THSD4: variants seen among roughly 807,000 people sequenced by gnomAD.
The protein encoded by THSD4 is thrombospondin type-1 domain-containing protein 4.
THSD4 carries 69 observed loss-of-function variants against 119.0 expected under a neutral mutation model. The ratio of observed to expected loss-of-function variants is 0.58; its 90% CI spans 0.48 to 0.71. The LOEUF is 0.71. Among genes scored for constraint, THSD4 ranks in the 30% least tolerant of loss-of-function variants. The pLI, the probability that THSD4 is intolerant of heterozygous loss-of-function variation, is 0.00. For missense variants in THSD4, 1,393 were observed against 1,391.1 expected (o/e 1.00, Z -0.02); for synonymous variants, 524 against 540.4 (o/e 0.97, Z 0.42).
chr15:71,102,471 TTTAAG>T (rs1451022194), intron 1 of THSD4, among the ~76,000 whole-genome samples: 1 of 152,232 alleles, frequency 6.6e-6, no homozygotes, highest in Non-Finnish European at 1.5e-5. Flanking sequence ...TTGATCTATC[TTTAAG>T]TTAATTTTTC....
Position 71,730,995 on chromosome 15 carries a change from T to C in THSD4, c.1534-126T>C. 4.0e-6 allele frequency: 3 copies of C among 756,272 alleles called. No homozygotes were observed. The South Asian group carries it at 4.9e-5, about 12-fold the overall frequency. The allele number at this position is 756,272 out of a possible 1,614,324, so 46.8% of individuals were successfully genotyped here. A position where few individuals can be genotyped will look rare whatever the true frequency, so the allele number is the denominator to read the frequency against. ...GTTTAATCTGCCACAGGTTCACTGA[T>C]ATTACTGGATGCGTACTAGAGTGAA... On this transcript the variant is annotated intron_variant, in intron 9 of 17. Transcript: ENST00000261862.
intron 7 of THSD4, among the ~76,000 whole-genome samples, chr15:71,426,717 C>A (rs1376666812): frequency 1.3e-5 from 2 of 152,144 alleles, no homozygotes; most frequent in Non-Finnish European, 2.9e-5. Context: ...CTCTTATAAA[C>A]ACCCCAAGCA....
chr15:71,758,102 G>A (rs368772694), intron 15 of THSD4, 27 bp downstream of exon 15: 6 of 1,533,518 alleles, frequency 3.9e-6, no homozygotes, highest in East Asian at 4.9e-5. Flanking sequence ...GGGTATGTCT[G>A]CCTGTGTCAG....
At chr15:71,461,997 G>GT (rs765409255) in intron 7 of THSD4, among the ~76,000 whole-genome samples, 35 of 152,242 alleles carry the variant, frequency 2.3e-4, no homozygotes, top group Non-Finnish European at 3.5e-4. Context: ...ACTCCCATGA[G>GT]TTGGAAGCTC....
chr15:71,450,062 G>A (rs948691242), intron 7 of THSD4, among the ~76,000 whole-genome samples: 6 of 152,362 alleles, frequency 3.9e-5, no homozygotes, highest in Non-Finnish European at 8.8e-5. Flanking sequence ...GTTGTGATGT[G>A]CAAACGAAGG....
chr15:71,704,717 G>T (rs531979084), intron 8 of THSD4, among the ~76,000 whole-genome samples: 1 of 152,302 alleles, frequency 6.6e-6, no homozygotes, highest in East Asian at 1.9e-4. Context: ...CTTGGTCCTG[G>T]ACATACAGGG....
chr15:71,354,579 A>G (rs959076328), intron 6 of THSD4, among the ~76,000 whole-genome samples: 2 of 152,220 alleles, frequency 1.3e-5, no homozygotes, highest in Admixed American at 1.3e-4. Flanking sequence ...TATGTGCCAA[A>G]CAAAGCCATT....
chr15:71,490,249 G>C (rs8023994), intron 7 of THSD4, among the ~76,000 whole-genome samples: 1 of 151,608 alleles, frequency 6.6e-6, no homozygotes, highest in Non-Finnish European at 1.5e-5. Context: ...ACACAGTGAA[G>C]TCTCATCTCT....
rs1227748203 is a variant in THSD4 at position 71,753,941 on chromosome 15, C to T, written c.2416-3961C>T. 2.6e-5 allele frequency among the ~76,000 whole-genome samples: 4 copies of T among 152,300 alleles called. No individual in the cohort carries two copies. In the East Asian group the frequency reaches 7.7e-4, roughly 29 times the overall value. ...AATTAGGTATATGGGGATGTGAAGA[C>T]ACTTTCCCAAATGTATGTGCATTAC... is the stretch of plus-strand genomic sequence containing the variant. On this transcript the variant is annotated intron_variant, in intron 14 of 17. Transcript: ENST00000261862.
chr15:71,353,475 A>G (rs183853155), intron 6 of THSD4, among the ~76,000 whole-genome samples: 64 of 152,328 alleles, frequency 4.2e-4, no homozygotes, highest in Admixed American at 7.2e-4. Flanking sequence ...GGTTTCCTTT[A>G]AAGTACTTCA....
At chr15:71,322,036 A>G (rs1335919921) in intron 6 of THSD4, among the ~76,000 whole-genome samples, 1 of 152,198 alleles carries the variant, frequency 6.6e-6, no homozygotes, top group Non-Finnish European at 1.5e-5. Flanking sequence ...TAAAAAAAAA[A>G]AAGTGGGTCA....
chr15:71,193,862 C>T (rs145833335), intron 3 of THSD4, among the ~76,000 whole-genome samples: 10,093 of 152,206 alleles, frequency 0.066, 440 homozygotes, highest in East Asian at 0.11. Context: ...AGGCGCCCGC[C>T]GCCACGCCCA....
chr15:71,262,142 A>C lies in THSD4; in HGVS notation c.1015+5427A>C, dbSNP rs530377495. Among the ~76,000 whole-genome samples the C allele has an allele frequency of 1.1e-4, 16 of 152,306 alleles. No individual in the cohort carries two copies. The South Asian group carries it at 3.3e-3, about 32-fold the overall frequency. On this transcript the variant is annotated intron_variant, in intron 6 of 17. Coordinates refer to ENST00000261862, the MANE Select transcript of THSD4 (RefSeq NM_024817.3). ...GCTCATTCAGTGCAATGCCACATAGAATAGTAAAAGCGGAGTATACTCTCT... is the reference window on the plus strand; with the variant it reads ...GCTCATTCAGTGCAATGCCACATAGCATAGTAAAAGCGGAGTATACTCTCT...
intron 7 of THSD4, among the ~76,000 whole-genome samples, chr15:71,624,748 G>A (rs573363117): frequency 7.0e-4 from 107 of 152,284 alleles, no homozygotes; most frequent in Non-Finnish European, 1.2e-3. Context: ...ATGGTGGCAT[G>A]AAGTCATCCT....
chr15:71,592,061 T>C (rs934526382), intron 7 of THSD4, among the ~76,000 whole-genome samples: 1 of 152,224 alleles, frequency 6.6e-6, no homozygotes, highest in Non-Finnish European at 1.5e-5. Context: ...CCAAGGTCAC[T>C]GGCTAGCATG....
At chr15:71,172,684 T>C (rs1425220438) in intron 3 of THSD4, among the ~76,000 whole-genome samples, 3 of 4,570 alleles carry the variant, frequency 6.6e-4, no homozygotes, top group Admixed American at 2.7e-3. Context: ...GACCTATACA[T>C]ATATATATAT....
At chr15:71,745,306 G>C in intron 12 of THSD4, 71 bp downstream of exon 12, 3 of 1,569,336 alleles carry the variant, frequency 1.9e-6, no homozygotes, top group Non-Finnish European at 8.7e-7. Context: ...AGGACCTTAG[G>C]AACAGATATA....
At position 71,215,168 on chromosome 15, in the gene THSD4, G is replaced by A. The variant is rs921581715; in HGVS notation, c.233G>A (p.Arg78Gln). 1 of 1,376,018 alleles carries A rather than the reference G, an allele frequency of 7.3e-7. No individual in the cohort carries two copies. The highest frequency in any genetic ancestry group is 1.6e-5 in the South Asian group (1 of 62,504). The allele number at this position is 1,376,018 out of a possible 1,614,324, so 85.2% of individuals were successfully genotyped here. ...AGCGGCGGCGTGATGGAGCAGACGC[G>A]GCCCTGCCTGCCCCGCTCCTACCGC... ...SCSGGVMEQT[R>Q]PCLPRSYRLR... is the part of the protein sequence containing the mutation. The change falls in exon 4 of 18, where the codon CGG (arginine) becomes CAG (glutamine). Residue 78 changes from arginine (R) to glutamine (Q), a missense_variant. Physicochemically the swap from Arg to Gln is conservative, Grantham distance 43 (BLOSUM62 1). Transcript: ENST00000261862.
At chr15:71,109,766 A>G (rs575007295) in intron 1 of THSD4, among the ~76,000 whole-genome samples, 225 of 151,172 alleles carry the variant, frequency 1.5e-3, no homozygotes, top group African/African-American at 5.2e-3. Context: ...ACCCAGGAAC[A>G]CTCTGGCAGC....
Sources: allele counts gnomAD v4.1 joint callset (sites outside exome capture counted in the v4.1 genomes callset), GRCh38; gene constraint gnomAD v4.1.1; transcripts MANE v1.5; gene names NCBI Gene and HGNC (gene_info 2026-07-23, HGNC 2026-07-21).